GNG4: variants seen among roughly 807,000 people sequenced by gnomAD.
GNG4 encodes the protein guanine nucleotide-binding protein G(I)/G(S)/G(O) subunit gamma-4.
In GNG4, 4 loss-of-function variants were observed where a neutral mutation model predicts 5.8. The ratio of observed to expected loss-of-function variants is 0.69; its 90% CI spans 0.34 to 1.57. The LOEUF is 1.57. Ranked by LOEUF, GNG4 falls within the 40% of genes most tolerant of loss-of-function variation. The pLI, the probability that GNG4 is intolerant of heterozygous loss-of-function variation, is 0.06. For missense variants in GNG4, 96 were observed against 95.1 expected (o/e 1.01, Z -0.04); for synonymous variants, 29 against 32.9 (o/e 0.88, Z 0.41).
intron 1 of GNG4, among the ~76,000 whole-genome samples, chr1:235,628,926 G>A (rs73122521): frequency 0.025 from 3,788 of 151,546 alleles, 163 homozygotes; most frequent in African/African-American, 0.084. Context: ...AGATGGACAT[G>A]CATTTCCTCT....
chr1:235,628,609 TGTAAGTTCTGG>T (rs1298751312), intron 1 of GNG4, among the ~76,000 whole-genome samples: 1 of 152,136 alleles, frequency 6.6e-6, no homozygotes, highest in Non-Finnish European at 1.5e-5. Context: ...CCTGGTCCTG[TGTAAGTTCTGG>T]GGAAACACTG....
At chr1:235,616,945 G>T (rs10926271) in intron 1 of GNG4, among the ~76,000 whole-genome samples, 1 of 131,036 alleles carries the variant, frequency 7.6e-6, no homozygotes, top group Admixed American at 8.3e-5. Flanking sequence ...ATGGGTTTTC[G>T]CCATGCTGGC....
At chr1:235,627,511 G>A (rs1688841116) in intron 1 of GNG4, among the ~76,000 whole-genome samples, 1 of 152,100 alleles carries the variant, frequency 6.6e-6, no homozygotes, top group Non-Finnish European at 1.5e-5. Flanking sequence ...ATGAGCCACC[G>A]CACCTGGCCG....
rs553175038 is a variant in GNG4 at position 235,616,905 on chromosome 1, A to ATTTTTTT, written c.-122-21401_-122-21395dup. 4.7e-3 allele frequency among the ~76,000 whole-genome samples: 539 copies of ATTTTTTT among 115,744 alleles called. 15 individuals carry two copies. Among genetic ancestry groups the ATTTTTTT allele is most frequent in the East Asian group, 0.01 (41 of 3,950 alleles). 75.9% of individuals were successfully genotyped at this position (115,744 alleles called of 152,430 possible). On this transcript the variant is annotated intron_variant, in intron 1 of 3. Transcript: ENST00000391854. Reference sequence around the variant, plus strand: ...AGGCACCCACAAACACACCTGGCTAATTTTTTTTTTTTTTTTTTTTTCAGT... The same window carrying ATTTTTTT: ...AGGCACCCACAAACACACCTGGCTAATTTTTTTTTTTTTTTTTTTTTTTTTTTTCAGT...
chr1:235,643,092 G>A (rs369506707), intron 1 of GNG4, among the ~76,000 whole-genome samples: 1 of 152,200 alleles, frequency 6.6e-6, no homozygotes, highest in Admixed American at 6.5e-5. Context: ...CCTGCCCCAC[G>A]CCTCCGACCT....
intron 3 of GNG4, among the ~76,000 whole-genome samples, chr1:235,576,208 G>T (rs958410151): frequency 1.4e-5 from 2 of 146,048 alleles, no homozygotes; most frequent in South Asian, 4.4e-4. Context: ...CTACAGGCGC[G>T]TGCCACCATG....
intron 2 of GNG4, among the ~76,000 whole-genome samples, chr1:235,592,947 ATTTT>A (rs57491492): frequency 8.1e-5 from 11 of 135,992 alleles, no homozygotes; most frequent in Admixed American, 1.5e-4. Context: ...GCTCTGTAAC[ATTTT>A]TTTTTTTTTT....
chr1:235,604,348 G>T (rs936898290), intron 1 of GNG4, among the ~76,000 whole-genome samples: 1 of 152,232 alleles, frequency 6.6e-6, no homozygotes, highest in African/African-American at 2.4e-5. Flanking sequence ...GCGTGGCTGG[G>T]CCACGTCTCA....
intron 2 of GNG4, among the ~76,000 whole-genome samples, chr1:235,585,194 T>G (rs1020741975): frequency 3.3e-5 from 5 of 151,262 alleles, no homozygotes; most frequent in Non-Finnish European, 7.4e-5. Context: ...TTCTTTCCTA[T>G]GCTTCTTTTT....
At position 235,615,229 on chromosome 1, in the gene GNG4, G is replaced by A. The variant is rs1468129107; in HGVS notation, c.-122-19718C>T. 3 of 152,416 alleles carry A rather than the reference G, an allele frequency of 2.0e-5. No homozygotes were observed. The East Asian group carries it at 5.8e-4, about 29-fold the overall frequency. The allele number at this position is 152,416 out of a possible 1,614,324, so 9.4% of individuals were successfully genotyped here. Reference sequence around the variant, plus strand: ...GACCTTGTAAGTGAAAGGGCGAGCAGAAGAGTCAGTGTCAGAGTCAGAGAG... The same window carrying A: ...GACCTTGTAAGTGAAAGGGCGAGCAAAAGAGTCAGTGTCAGAGTCAGAGAG... On this transcript the variant is annotated intron_variant, in intron 1 of 3. Coordinates refer to ENST00000391854, the MANE Select transcript of GNG4 (RefSeq NM_001098722.2).
chr1:235,587,675 G>GGAGGGTGTGT (rs1358940481), intron 2 of GNG4, among the ~76,000 whole-genome samples: 4 of 63,142 alleles, frequency 6.3e-5, no homozygotes, highest in African/African-American at 2.3e-4. Flanking sequence ...TGTGACTGTG[G>GGAGGGTGTGT]GGTATGTGTG....
chr1:235,555,529 A>C (rs1056701483), intron 3 of GNG4, among the ~76,000 whole-genome samples: 2 of 152,108 alleles, frequency 1.3e-5, no homozygotes, highest in Non-Finnish European at 2.9e-5. Flanking sequence ...AAATGAAAAA[A>C]TTAGCCAGGC....
chr1:235,552,023 T>C lies in GNG4; in HGVS notation c.*86A>G, dbSNP rs1572603545. On this transcript the variant is annotated 3_prime_UTR_variant, in exon 4 of 4. Transcript: ENST00000391854. ...TTGGCTGGGCAGGGATGGGTGTTGGTCTCACTCCCTAAGGCTTAGAGCATG... is the reference window on the plus strand; with the variant it reads ...TTGGCTGGGCAGGGATGGGTGTTGGCCTCACTCCCTAAGGCTTAGAGCATG... The C allele has an allele frequency of 6.6e-6, 8 of 1,215,244 alleles. No individual in the cohort carries two copies. The East Asian group carries it at 1.7e-4, about 25-fold the overall frequency. 75.3% of individuals were successfully genotyped at this position (1,215,244 alleles called of 1,614,324 possible). A position where few individuals can be genotyped will look rare whatever the true frequency, so the allele number is the denominator to read the frequency against.
chr1:235,615,564 C>A (rs981252682), intron 1 of GNG4: 2 of 194,968 alleles, frequency 1.0e-5, no homozygotes, highest in South Asian at 1.2e-4. Flanking sequence ...TCTCCTAGCT[C>A]ATTCCTGGGG....
intron 1 of GNG4, among the ~76,000 whole-genome samples, chr1:235,613,027 G>A (rs1430945482): frequency 6.6e-6 from 1 of 151,716 alleles, no homozygotes; most frequent in Non-Finnish European, 1.5e-5. Context: ...ATTCATGAGG[G>A]CTCTGCCCCC....
At chr1:235,557,805 G>A (rs970997232) in intron 3 of GNG4, among the ~76,000 whole-genome samples, 8 of 152,188 alleles carry the variant, frequency 5.3e-5, no homozygotes, top group African/African-American at 1.9e-4. Flanking sequence ...GCTCAGTCGA[G>A]GAGAAGTCAG....
intron 1 of GNG4, among the ~76,000 whole-genome samples, chr1:235,626,842 C>T (rs1448523314): frequency 1.3e-5 from 2 of 151,764 alleles, no homozygotes; most frequent in Admixed American, 6.6e-5. Context: ...GCCTGTAATC[C>T]CAGCTACTTG....
chr1:235,568,720 T>C lies in GNG4; in HGVS notation c.99+15020A>G, dbSNP rs1687264058. ...TGGGTGAGGCACTGTAGTGTAATGA[T>C]AGTACCCAAGGTTCTGGGTTTGTAT... On this transcript the variant is annotated intron_variant, in intron 3 of 3. Coordinates refer to ENST00000391854, the MANE Select transcript of GNG4 (RefSeq NM_001098722.2). 3.3e-5 allele frequency among the ~76,000 whole-genome samples: 5 copies of C among 152,232 alleles called. No individual in the cohort carries two copies. In the South Asian group the frequency reaches 8.3e-4, roughly 25 times the overall value.
chr1:235,596,047 G>A (rs1332694525), intron 1 of GNG4, among the ~76,000 whole-genome samples: 6 of 152,072 alleles, frequency 3.9e-5, no homozygotes, highest in Admixed American at 1.3e-4. Flanking sequence ...GATGGTGGGC[G>A]CCTGTAGTCC....
Sources: gnomAD v4.1 joint callset for allele counts (sites outside exome capture counted in the v4.1 genomes callset) on GRCh38, gnomAD v4.1.1 for gene constraint, MANE v1.5 for transcripts, NCBI Gene and HGNC (gene_info 2026-07-23, HGNC 2026-07-21) for gene names.